SLC24A2: variants seen among roughly 807,000 people sequenced by gnomAD.
The protein encoded by SLC24A2 is solute carrier family 24 member 2, also known as sodium/potassium/calcium exchanger 2.
Under a neutral mutation model 62.0 loss-of-function variants are expected in SLC24A2, and 36 were observed. The observed-to-expected ratio is 0.58, with a 90% CI of 0.44 to 0.77. The LOEUF (loss-of-function observed/expected upper bound fraction) is 0.77. Among genes scored for constraint, SLC24A2 ranks in the 30% least tolerant of loss-of-function variants. The probability of loss-of-function intolerance (pLI) is 0.00; values close to 1 mark genes in which losing one functional copy is unlikely to be tolerated. For missense variants in SLC24A2, 846 were observed against 817.9 expected (o/e 1.03, Z -0.42); for synonymous variants, 358 against 294.0 (o/e 1.22, Z -2.23).
chr9:19,999,770 T>C, the SLC24A2 span, among the ~76,000 whole-genome samples: 3 of 152,190 alleles, frequency 2.0e-5, no homozygotes, highest in African/African-American at 7.2e-5. Flanking sequence ...ACAGTCATCC[T>C]GAGCCAGAGT....
intron 2 of SLC24A2, among the ~76,000 whole-genome samples, chr9:19,774,900 C>CAA (rs1822800103): frequency 6.6e-6 from 1 of 152,198 alleles, no homozygotes; most frequent in African/African-American, 2.4e-5. Flanking sequence ...CCCATAAGTA[C>CAA]AAGCAAGTAT....
At chr9:19,914,006 C>T in the SLC24A2 span, among the ~76,000 whole-genome samples, 1 of 151,978 alleles carries the variant, frequency 6.6e-6, no homozygotes, top group African/African-American at 2.4e-5. Flanking sequence ...GGTGGTATGC[C>T]CAATCTTGAT....
the SLC24A2 span, among the ~76,000 whole-genome samples, chr9:20,089,434 G>A: frequency 1.3e-5 from 2 of 152,048 alleles, no homozygotes; most frequent in African/African-American, 2.4e-5. Context: ...CAATTGCAGT[G>A]CTACTGCCCT....
At chr9:19,876,369 T>TGTGTGTGC in the SLC24A2 span, among the ~76,000 whole-genome samples, 1 of 95,486 alleles carries the variant, frequency 1.0e-5, no homozygotes, top group Non-Finnish European at 2.4e-5. Context: ...TGAAGGCGTG[T>TGTGTGTGC]GTGTGTGTGT....
the SLC24A2 span, among the ~76,000 whole-genome samples, chr9:20,136,329 G>C: frequency 1.3e-5 from 2 of 152,146 alleles, no homozygotes; most frequent in South Asian, 4.2e-4. Flanking sequence ...TGAGTACTAA[G>C]AGGATTCAAG....
the SLC24A2 span, among the ~76,000 whole-genome samples, chr9:20,104,578 A>C: frequency 6.6e-6 from 1 of 152,232 alleles, no homozygotes; most frequent in South Asian, 2.1e-4. Context: ...TTCAACCCAG[A>C]ATTTCATATC....
At chr9:19,698,076 A>C (rs1021129495) in intron 2 of SLC24A2, among the ~76,000 whole-genome samples, 1 of 152,158 alleles carries the variant, frequency 6.6e-6, no homozygotes, top group Non-Finnish European at 1.5e-5. Context: ...AAATGATTTA[A>C]GTTTATTCTA....
intron 2 of SLC24A2, among the ~76,000 whole-genome samples, chr9:19,681,337 T>G (rs1206384122): frequency 6.6e-6 from 1 of 152,204 alleles, no homozygotes; most frequent in African/African-American, 2.4e-5. Context: ...CCGGTCCACC[T>G]TATTTAAAAT....
chr9:19,914,483 A>T, the SLC24A2 span, among the ~76,000 whole-genome samples: 21 of 152,132 alleles, frequency 1.4e-4, no homozygotes, highest in African/African-American at 4.6e-4. Context: ...GCATTTTCTG[A>T]GTTTGCTCAT....
the SLC24A2 span, among the ~76,000 whole-genome samples, chr9:20,005,477 G>A: frequency 3.3e-5 from 5 of 151,984 alleles, no homozygotes; most frequent in South Asian, 1.0e-3. Context: ...TTTTACAGAT[G>A]AGGAAATACA....
At chr9:19,963,878 C>T in the SLC24A2 span, among the ~76,000 whole-genome samples, 1 of 152,054 alleles carries the variant, frequency 6.6e-6, no homozygotes, top group Non-Finnish European at 1.5e-5. Flanking sequence ...GGTATATACC[C>T]AAAGGACTAT....
intron 7 of SLC24A2, among the ~76,000 whole-genome samples, chr9:19,568,182 CTG>C (rs1255463219): frequency 6.6e-6 from 1 of 152,198 alleles, no homozygotes; most frequent in African/African-American, 2.4e-5. Flanking sequence ...GTCCATGAAA[CTG>C]TGCTTCAGGT....
intron 2 of SLC24A2, among the ~76,000 whole-genome samples, chr9:19,734,648 T>C (rs1010274427): frequency 8.5e-5 from 13 of 152,238 alleles, no homozygotes; most frequent in Non-Finnish European, 1.5e-4. Flanking sequence ...CTTTGAAGAA[T>C]TGTGAATGGG....
chr9:19,580,677 T>C (rs1297620750), intron 5 of SLC24A2, among the ~76,000 whole-genome samples: 2 of 151,970 alleles, frequency 1.3e-5, no homozygotes, highest in Non-Finnish European at 2.9e-5. Flanking sequence ...TAAATGGAGG[T>C]TAAATGGATG....
the SLC24A2 span, among the ~76,000 whole-genome samples, chr9:19,827,487 G>C: frequency 3.3e-5 from 5 of 151,846 alleles, no homozygotes; most frequent in African/African-American, 1.2e-4. Flanking sequence ...CTTACCAGTG[G>C]TAATTTAAAA....
chr9:20,043,244 C>T, the SLC24A2 span, among the ~76,000 whole-genome samples: 2 of 152,104 alleles, frequency 1.3e-5, no homozygotes, highest in East Asian at 3.8e-4. Flanking sequence ...CTCCAGTGAG[C>T]AAAAGAACGA....
At chr9:19,561,028 G>A (rs892922055) in intron 7 of SLC24A2, among the ~76,000 whole-genome samples, 29 of 151,780 alleles carry the variant, frequency 1.9e-4, no homozygotes, top group Admixed American at 1.7e-3. Context: ...CAGGTTTGAG[G>A]AATTCTCTTT....
chr9:20,231,009 G>A, the SLC24A2 span, among the ~76,000 whole-genome samples: 2 of 152,124 alleles, frequency 1.3e-5, no homozygotes, highest in African/African-American at 4.8e-5. Context: ...CCCATTGCTT[G>A]TTTTTGTCAG....
the SLC24A2 span, among the ~76,000 whole-genome samples, chr9:19,809,167 G>A: frequency 6.6e-6 from 1 of 152,010 alleles, no homozygotes; most frequent in African/African-American, 2.4e-5. Context: ...ACGTCCACAG[G>A]AGTCATCTGG....
Sources: gnomAD v4.1 joint callset for allele counts (sites outside exome capture counted in the v4.1 genomes callset) on GRCh38, gnomAD v4.1.1 for gene constraint, MANE v1.5 for transcripts, NCBI Gene and HGNC (gene_info 2026-07-23, HGNC 2026-07-21) for gene names.